Variants in RUBCN observed in about 807,000 individuals in gnomAD.
RUBCN encodes run domain Beclin-1-interacting and cysteine-rich domain-containing protein.
RUBCN carries 74 observed loss-of-function variants against 113.2 expected under a neutral mutation model. The ratio of observed to expected loss-of-function variants is 0.65; its 90% confidence interval spans 0.54 to 0.79. RUBCN has a LOEUF of 0.79. Among genes scored for constraint, RUBCN ranks in the 30% least tolerant of loss-of-function variants. RUBCN has a pLI of 0.00. For missense variants in RUBCN, 1,109 were observed against 1,251.7 expected (o/e 0.89, Z 1.72); for synonymous variants, 480 against 490.0 (o/e 0.98, Z 0.27).
At chr3:197,705,048 G>A in intron 3 of RUBCN, 44 bp downstream of exon 3, 1 of 1,451,560 alleles carries the variant, frequency 6.9e-7, no homozygotes, top group Non-Finnish European at 9.6e-7. Context: ...AAACAGTGAA[G>A]ACCCACAGCT....
chr3:197,684,588 C>T (rs866263170), intron 11 of RUBCN, among the ~76,000 whole-genome samples: 13 of 151,988 alleles, frequency 8.6e-5, no homozygotes, highest in Admixed American at 6.6e-4. Context: ...CTCCCTCACT[C>T]TCCACATCTT....
At chr3:197,720,609 G>A (rs978554044) in intron 1 of RUBCN, among the ~76,000 whole-genome samples, 1 of 152,060 alleles carries the variant, frequency 6.6e-6, no homozygotes. Flanking sequence ...GTTTCTCCAT[G>A]ATGGCCAGAC....
chr3:197,681,019 GGGAGGGGACAAGA>G lies in RUBCN; in HGVS notation c.2430+97_2430+109del. On this transcript the variant is annotated intron_variant, in intron 16 of 19. Transcript: ENST00000296343. The surrounding 1 kb of genome is among the most constrained non-coding windows in gnomAD (Gnocchi z 5.5). ...AGAGGAGACGAGGGGAGGGGATGGG[GGGAGGGGACAAGA>G]GGAGGGGATGGGGGGAGGGGACGGG... is the stretch of plus-strand genomic sequence containing the variant. The G allele has an allele frequency of 1.5e-6, 1 of 650,628 alleles. No individual in the cohort carries two copies. Among genetic ancestry groups the G allele is most frequent in the East Asian group, 2.9e-5 (1 of 33,940 alleles). 40.3% of individuals were successfully genotyped at this position (650,628 alleles called of 1,614,324 possible). A position where few individuals can be genotyped will look rare whatever the true frequency, so the allele number is the denominator to read the frequency against.
chr3:197,749,501 C>T, exon 1 of RUBCN: 1 of 1,288,008 alleles, frequency 7.8e-7, no homozygotes, highest in South Asian at 1.2e-5. Context: ...CAGCTGCAAT[C>T]TACACTCGCA....
intron 1 of RUBCN, among the ~76,000 whole-genome samples, chr3:197,725,330 TTATC>T (rs1457188145): frequency 6.6e-6 from 1 of 151,940 alleles, no homozygotes; most frequent in Admixed American, 6.6e-5. Context: ...CTGTTTTTAA[TTATC>T]TAGTATTTAA....
intron 1 of RUBCN, among the ~76,000 whole-genome samples, chr3:197,729,049 G>C (rs1309823587): frequency 6.6e-6 from 1 of 151,384 alleles, no homozygotes; most frequent in East Asian, 2.0e-4. Context: ...GGATCACGAG[G>C]TCAGGAGAAT....
chr3:197,743,534 A>C (rs1728612089), intron 1 of RUBCN, among the ~76,000 whole-genome samples: 1 of 152,224 alleles, frequency 6.6e-6, no homozygotes, highest in African/African-American at 2.4e-5. Context: ...AACACAGAAG[A>C]GGGACAGAAA....
intron 2 of RUBCN, among the ~76,000 whole-genome samples, chr3:197,711,238 G>A (rs1217334116): frequency 6.6e-6 from 1 of 152,170 alleles, no homozygotes; most frequent in Admixed American, 6.5e-5. Flanking sequence ...ACGGTAAAGG[G>A]CAAAATTATT....
chr3:197,717,227 GATTGAGACC>G (rs1296846548), intron 2 of RUBCN, among the ~76,000 whole-genome samples: 6 of 152,020 alleles, frequency 3.9e-5, no homozygotes, highest in Non-Finnish European at 8.8e-5. Context: ...AAGGTCAGGA[GATTGAGACC>G]ACTGAGACCA....
intron 2 of RUBCN, among the ~76,000 whole-genome samples, chr3:197,710,671 A>G (rs887155572): frequency 2.6e-5 from 4 of 152,288 alleles, no homozygotes; most frequent in African/African-American, 4.8e-5. Context: ...ATTACAAAGG[A>G]CTAATTTCCT....
At chr3:197,676,547 A>T in intron 18 of RUBCN, 1 of 1,078,786 alleles carries the variant, frequency 9.3e-7, no homozygotes, top group Non-Finnish European at 1.2e-6. Context: ...TCCTGACCTC[A>T]GGTGACCCGC....
chr3:197,728,536 T>C (rs1317356265), intron 1 of RUBCN, among the ~76,000 whole-genome samples: 1 of 152,140 alleles, frequency 6.6e-6, no homozygotes, highest in Non-Finnish European at 1.5e-5. Context: ...GCGAAGAAAG[T>C]GGCACTTCCA....
chr3:197,707,963 CAAA>C (rs368244493), intron 2 of RUBCN, among the ~76,000 whole-genome samples: 1 of 134,266 alleles, frequency 7.4e-6, no homozygotes, highest in African/African-American at 2.7e-5. Flanking sequence ...TACTCTGTCT[CAAA>C]AAAAAAAAAA....
rs1720127166 is a variant in RUBCN, at chr3:197,674,609, A to G, written c.*409T>C. 2.2e-6 allele frequency: 1 copy of G among 463,892 alleles called. No homozygotes were observed. The highest frequency in any genetic ancestry group is 4.3e-6 in the Non-Finnish European group (1 of 230,952). 28.7% of individuals were successfully genotyped at this position (463,892 alleles called of 1,614,324 possible). On this transcript the variant is annotated 3_prime_UTR_variant, in exon 20 of 20. Coordinates refer to ENST00000296343, the MANE Select transcript of RUBCN (RefSeq NM_014687.4). The stretch of plus-strand genomic sequence containing the variant: ...TCAGCAGCAGGAGAGGTGGTTGAGA[A>G]AGGCCTGGCTCAGAAGCTCCAGAAC...
intron 5 of RUBCN, among the ~76,000 whole-genome samples, chr3:197,702,179 C>G (rs190385868): frequency 5.2e-4 from 79 of 152,340 alleles, no homozygotes; most frequent in African/African-American, 1.9e-3. Flanking sequence ...CAGGCCCTGA[C>G]ACTTATCAGC....
intron 11 of RUBCN, among the ~76,000 whole-genome samples, chr3:197,692,895 T>C (rs1722583220): frequency 6.6e-6 from 1 of 152,236 alleles, no homozygotes; most frequent in Non-Finnish European, 1.5e-5. Flanking sequence ...GACCTATCTG[T>C]CATCACATTA....
intron 7 of RUBCN, among the ~76,000 whole-genome samples, chr3:197,697,831 G>A (rs1344324715): frequency 1.3e-5 from 2 of 152,212 alleles, no homozygotes; most frequent in Non-Finnish European, 2.9e-5. Flanking sequence ...GAGAGTGAAT[G>A]ACTGAGCTGC....
intron 1 of RUBCN, among the ~76,000 whole-genome samples, chr3:197,729,394 A>G (rs1727152948): frequency 6.6e-6 from 1 of 151,896 alleles, no homozygotes; most frequent in African/African-American, 2.4e-5. Flanking sequence ...CTGGGACTAC[A>G]GGCGCCCGCC....
At chr3:197,685,132 A>G (rs1175458051) in intron 11 of RUBCN, among the ~76,000 whole-genome samples, 1 of 152,204 alleles carries the variant, frequency 6.6e-6, no homozygotes, top group Non-Finnish European at 1.5e-5. Context: ...TTAGAAGACG[A>G]TTTCTAATAA....
Sources: allele counts gnomAD v4.1 joint callset (sites outside exome capture counted in the v4.1 genomes callset), GRCh38; gene constraint gnomAD v4.1.1; non-coding constraint Gnocchi (gnomAD v3.1); transcripts MANE v1.5; gene names NCBI Gene and HGNC (gene_info 2026-07-23, HGNC 2026-07-21).